FOCAD: variants seen among roughly 807,000 people sequenced by gnomAD.
The protein encoded by FOCAD is KIAA1797.
In FOCAD, 198 loss-of-function variants were observed where a neutral mutation model predicts 225.6. The ratio of observed to expected loss-of-function variants is 0.88; its 90% CI spans 0.78 to 0.99. The LOEUF is 0.99. Among genes scored for constraint, FOCAD ranks in the 50% least tolerant of loss-of-function variants. The pLI, the probability that FOCAD is intolerant of heterozygous loss-of-function variation, is 0.00. For missense variants in FOCAD, 2,713 were observed against 2,123.6 expected (o/e 1.28, Z -5.46); for synonymous variants, 897 against 755.0 (o/e 1.19, Z -3.08).
intron 4 of FOCAD, among the ~76,000 whole-genome samples, chr9:20,730,716 T>C (rs1479787692): frequency 2.0e-5 from 3 of 152,170 alleles, no homozygotes; most frequent in Non-Finnish European, 4.4e-5. Context: ...TATTAAGTCA[T>C]AGGAACCATC....
chr9:20,759,007 C>G (rs538328017), intron 6 of FOCAD, among the ~76,000 whole-genome samples: 1 of 152,098 alleles, frequency 6.6e-6, no homozygotes, highest in Non-Finnish European at 1.5e-5. Context: ...TGAGTGAACT[C>G]CCATTCACAA....
At chr9:20,909,308 G>T (rs1033641336) in intron 22 of FOCAD, among the ~76,000 whole-genome samples, 7 of 151,992 alleles carry the variant, frequency 4.6e-5, no homozygotes, top group Admixed American at 3.3e-4. Context: ...GGTTAGCTAG[G>T]AAAGCAAAGC....
chr9:20,949,748 T>C, intron 33 of FOCAD, 73 bp downstream of exon 33: 1 of 1,241,546 alleles, frequency 8.1e-7, no homozygotes, highest in Non-Finnish European at 1.2e-6. Context: ...TATTACATGA[T>C]ACAACATGTT....
chr9:20,754,318 C>T (rs1828844155), intron 5 of FOCAD, among the ~76,000 whole-genome samples: 1 of 152,136 alleles, frequency 6.6e-6, no homozygotes, highest in Non-Finnish European at 1.5e-5. Context: ...ACTTCATTTT[C>T]TATCATACCC....
At chr9:20,778,036 G>T (rs925046783) in intron 8 of FOCAD, among the ~76,000 whole-genome samples, 1 of 145,290 alleles carries the variant, frequency 6.9e-6, no homozygotes, top group Non-Finnish European at 1.5e-5. Context: ...CTTGCAGTGA[G>T]CGGAGATCGT....
At chr9:20,666,657 G>A (rs1002624157) in intron 2 of FOCAD, among the ~76,000 whole-genome samples, 1 of 152,088 alleles carries the variant, frequency 6.6e-6, no homozygotes, top group Non-Finnish European at 1.5e-5. Context: ...GCTTCTATAC[G>A]GATTTATTAT....
At chr9:20,763,316 T>A (rs895578208) in intron 6 of FOCAD, among the ~76,000 whole-genome samples, 1 of 152,124 alleles carries the variant, frequency 6.6e-6, no homozygotes, top group African/African-American at 2.4e-5. Flanking sequence ...ATATTAAGTA[T>A]GTAATAATAA....
At chr9:20,974,028 C>T (rs1052428163) in intron 35 of FOCAD, among the ~76,000 whole-genome samples, 19 of 143,912 alleles carry the variant, frequency 1.3e-4, no homozygotes, top group Non-Finnish European at 1.8e-4. Flanking sequence ...GCCTCTGCTT[C>T]TCCTTTTTCC....
intron 4 of FOCAD, among the ~76,000 whole-genome samples, chr9:20,724,772 GA>G (rs938564442): frequency 1.3e-4 from 19 of 151,574 alleles, no homozygotes; most frequent in African/African-American, 3.6e-4. Flanking sequence ...TCCATTTTAA[GA>G]AACAAGCTAA....
chr9:20,774,231 G>C (rs995057495), intron 8 of FOCAD, among the ~76,000 whole-genome samples: 5 of 152,152 alleles, frequency 3.3e-5, no homozygotes, highest in African/African-American at 1.2e-4. Context: ...GTGTTTCTCT[G>C]TTCAAAGGTA....
At chr9:20,915,938 A>G (rs919855036) in intron 23 of FOCAD, among the ~76,000 whole-genome samples, 26 of 152,184 alleles carry the variant, frequency 1.7e-4, no homozygotes, top group African/African-American at 6.3e-4. Flanking sequence ...GAATACGGAA[A>G]TTAAACAGTA....
At chr9:20,753,769 T>C (rs1445670769) in intron 5 of FOCAD, among the ~76,000 whole-genome samples, 1 of 152,008 alleles carries the variant, frequency 6.6e-6, no homozygotes, top group Non-Finnish European at 1.5e-5. Flanking sequence ...GATAGTGTTC[T>C]GTAGCCACTG....
chr9:20,805,453 AT>A (rs1309344432), intron 11 of FOCAD, among the ~76,000 whole-genome samples: 2 of 152,086 alleles, frequency 1.3e-5, no homozygotes, highest in East Asian at 3.8e-4. Context: ...TATGGTTGGG[AT>A]TTGTTTTTGT....
At chr9:20,982,265 C>G in intron 38 of FOCAD, 92 bp from the exon 39 acceptor site, 1 of 890,654 alleles carries the variant, frequency 1.1e-6, no homozygotes, top group Non-Finnish European at 1.7e-6. Flanking sequence ...AGCTGCTGTT[C>G]ATGGGGATAA....
At chr9:20,704,812 A>G (rs535442251) in intron 1 of FOCAD, among the ~76,000 whole-genome samples, 1 of 152,272 alleles carries the variant, frequency 6.6e-6, no homozygotes, top group East Asian at 1.9e-4. Flanking sequence ...TATATCCTCT[A>G]TTTCTACAAA....
At chr9:20,941,145 A>G (rs1314917911) in intron 28 of FOCAD, among the ~76,000 whole-genome samples, 8 of 152,152 alleles carry the variant, frequency 5.3e-5, no homozygotes, top group Admixed American at 5.2e-4. Flanking sequence ...ACTCCCTCAA[A>G]TGATAGAATT....
At chr9:20,878,295 T>G (rs1830395510) in intron 19 of FOCAD, among the ~76,000 whole-genome samples, 1 of 152,170 alleles carries the variant, frequency 6.6e-6, no homozygotes, top group Admixed American at 6.5e-5. Flanking sequence ...GGAGATTTCT[T>G]GTGTTTTTTG....
chr9:20,816,456 A>G (rs1249737874), intron 11 of FOCAD, among the ~76,000 whole-genome samples: 2 of 152,242 alleles, frequency 1.3e-5, no homozygotes, highest in East Asian at 1.9e-4. Context: ...TCCTGTTCCA[A>G]TCAAGTCTCT....
intron 5 of FOCAD, among the ~76,000 whole-genome samples, chr9:20,754,713 G>T (rs1828888820): frequency 6.6e-6 from 1 of 152,050 alleles, no homozygotes; most frequent in South Asian, 2.1e-4. Context: ...GTCATGACTA[G>T]GAGAAATCCT....
Sources: allele counts gnomAD v4.1 joint callset (sites outside exome capture counted in the v4.1 genomes callset), GRCh38; gene constraint gnomAD v4.1.1; transcripts MANE v1.5; gene names NCBI Gene and HGNC (gene_info 2026-07-23, HGNC 2026-07-21).